The following EDAR variants were observed in gnomAD, a reference collection of about 807,000 sequenced individuals.
The protein encoded by EDAR is tumor necrosis factor receptor superfamily member EDAR.
EDAR carries 38 observed loss-of-function variants against 51.3 expected under a neutral mutation model. The observed-to-expected ratio is 0.74, with a 90% confidence interval of 0.57 to 0.97. The LOEUF (loss-of-function observed/expected upper bound fraction) is 0.97. Ranked by LOEUF, EDAR falls within the 50% of genes least tolerant of loss-of-function variation. The pLI is 0.00. For synonymous variants in EDAR, 227 were observed against 242.1 expected (o/e 0.94, Z 0.58); for missense variants, 528 against 595.0 (o/e 0.89, Z 1.17).
At chr2:108,980,793 C>T (rs757052215) in intron 1 of EDAR, among the ~76,000 whole-genome samples, 26 of 152,118 alleles carry the variant, frequency 1.7e-4, no homozygotes, top group East Asian at 1.2e-3. Flanking sequence ...AGTGGGGTCA[C>T]GGTGTCACTG....
chr2:108,949,604 G>C (rs1172062254), intron 1 of EDAR, among the ~76,000 whole-genome samples: 1 of 152,060 alleles, frequency 6.6e-6, no homozygotes, highest in East Asian at 1.9e-4. Flanking sequence ...TCCTAAAAAT[G>C]TGATGAGATT....
chr2:108,949,876 A>G (rs1697790000), intron 1 of EDAR, among the ~76,000 whole-genome samples: 2 of 152,266 alleles, frequency 1.3e-5, no homozygotes, highest in South Asian at 4.1e-4. Context: ...CCTCCGAGTA[A>G]TATGTCCCTT....
chr2:108,898,216 GC>G (rs1408989665), intron 11 of EDAR, among the ~76,000 whole-genome samples: 2 of 152,136 alleles, frequency 1.3e-5, no homozygotes, highest in Non-Finnish European at 2.9e-5. Flanking sequence ...CCCTCACCAG[GC>G]TGTAACACTG....
intron 11 of EDAR, among the ~76,000 whole-genome samples, chr2:108,899,755 G>A (rs940854809): frequency 2.0e-5 from 3 of 152,166 alleles, no homozygotes; most frequent in African/African-American, 7.2e-5. Context: ...GGAGGCCAAG[G>A]TGGGCAGATC....
chr2:108,901,225 G>T (rs1696692529), intron 11 of EDAR, among the ~76,000 whole-genome samples: 1 of 152,076 alleles, frequency 6.6e-6, no homozygotes, highest in Non-Finnish European at 1.5e-5. Context: ...CCAGACAACA[G>T]TCTTCTAAAT....
chr2:108,961,605 G>A (rs1478190078), intron 1 of EDAR, among the ~76,000 whole-genome samples: 4 of 152,190 alleles, frequency 2.6e-5, no homozygotes, highest in African/African-American at 9.7e-5. Flanking sequence ...CATTAAAAAA[G>A]CACTCACTGG....
chr2:108,900,179 AAC>A (rs1386131261), intron 11 of EDAR, among the ~76,000 whole-genome samples: 1 of 152,222 alleles, frequency 6.6e-6, no homozygotes, highest in Non-Finnish European at 1.5e-5. Context: ...AGAAATGAAA[AAC>A]AGAGACAACA....
chr2:108,909,859 C>T (rs1391644644), intron 9 of EDAR, among the ~76,000 whole-genome samples: 4 of 152,246 alleles, frequency 2.6e-5, no homozygotes, highest in African/African-American at 9.6e-5. Flanking sequence ...TCCTTGGGAG[C>T]CTGGACTCGG....
At chr2:108,987,550 T>G (rs1008490516) in intron 1 of EDAR, among the ~76,000 whole-genome samples, 10 of 152,230 alleles carry the variant, frequency 6.6e-5, no homozygotes, top group Non-Finnish European at 1.3e-4. Flanking sequence ...AGAAACCAGG[T>G]AGTGGCCAGG....
In EDAR at chr2:108,929,348, T is replaced by G. The variant is rs1396307770; in HGVS notation, c.206A>C (p.Tyr69Ser). The change falls in exon 4 of 12, where the codon TAC (tyrosine) becomes TCC (serine). Residue 69 changes from tyrosine (Y) to serine (S), a missense_variant. Transcript: ENST00000258443. ...CTCCGCCGGGCAGGGGACGCAGCCG[T>G]AGTCCTCGTCTTTGGTGCCGTAGCC... ...SCGYGTKDED[Y>S]GCVPCPAEKF... 6.2e-7 allele frequency: 1 copy of G among 1,614,132 alleles called. No individual in the cohort carries two copies. The highest frequency in any genetic ancestry group is 8.5e-7 in the Non-Finnish European group (1 of 1,180,032).
Position 108,895,476 on chromosome 2 carries a change from T to TTTA in EDAR, c.*1428_*1430dup, listed in dbSNP as rs2105369270. ...AATAATATGCCAAGAACAATGCCAG[T>TTTA]TTATTAACTTTCTGCCTATAAATGT... is the stretch of plus-strand genomic sequence containing the variant. On this transcript the variant is annotated 3_prime_UTR_variant, in exon 12 of 12. Coordinates refer to ENST00000258443, the MANE Select transcript of EDAR (RefSeq NM_022336.4). 2 of 152,382 alleles carry TTTA rather than the reference T, an allele frequency of 1.3e-5. No homozygotes were observed. Among genetic ancestry groups the TTTA allele is most frequent in the East Asian group, 3.9e-4 (2 of 5,186 alleles). The allele number at this position is 152,382 out of a possible 1,614,324, so 9.4% of individuals were successfully genotyped here. A position where few individuals can be genotyped will look rare whatever the true frequency, so the allele number is the denominator to read the frequency against.
chr2:108,976,917 AGTCCTG>A (rs1698332912), intron 1 of EDAR, among the ~76,000 whole-genome samples: 1 of 152,040 alleles, frequency 6.6e-6, no homozygotes, highest in African/African-American at 2.4e-5. Flanking sequence ...TTCTCCAAGG[AGTCCTG>A]GTTCCTTTCA....
At chr2:108,978,173 G>A (rs1391110089) in intron 1 of EDAR, among the ~76,000 whole-genome samples, 4 of 152,246 alleles carry the variant, frequency 2.6e-5, no homozygotes, top group African/African-American at 9.6e-5. Flanking sequence ...AGGGCCTGCT[G>A]AGCTACGGCC....
intron 11 of EDAR, among the ~76,000 whole-genome samples, chr2:108,900,307 G>A: frequency 6.6e-6 from 1 of 152,208 alleles, no homozygotes. Context: ...TGTAATCCCA[G>A]CACTTTGGGA....
At position 108,975,781 on chromosome 2, in the gene EDAR, C is replaced by T. The variant is rs566203068; in HGVS notation, c.-19+13179G>A. ...AAGGGTGGCACTGTCGGCCAGGCTC[C>T]GTGCGGCATCAGGATGTCTTGTGGT... is the stretch of plus-strand genomic sequence containing the variant. On this transcript the variant is annotated intron_variant, in intron 1 of 11. Coordinates refer to ENST00000258443, the MANE Select transcript of EDAR (RefSeq NM_022336.4). Among the ~76,000 whole-genome samples, 84 of 152,244 alleles carry T rather than the reference C, an allele frequency of 5.5e-4. 1 individual carries two copies. The South Asian group carries it at 0.017, about 32-fold the overall frequency.
In EDAR at chr2:108,896,826, G is replaced by T; in HGVS notation, c.*81C>A. The T allele has an allele frequency of 7.1e-7, 1 of 1,404,246 alleles. No individual in the cohort carries two copies. The highest frequency in any genetic ancestry group is 1.4e-5 in the African/African-American group (1 of 70,418). The allele number at this position is 1,404,246 out of a possible 1,614,324, so 87.0% of individuals were successfully genotyped here. On this transcript the variant is annotated 3_prime_UTR_variant, in exon 12 of 12. Transcript: ENST00000258443. The stretch of plus-strand genomic sequence containing the variant: ...ATCACAAAAGCCTTGATTCTTGGCA[G>T]TCTTTTGGCACCACTCACAGCTCCA...
intron 4 of EDAR, among the ~76,000 whole-genome samples, chr2:108,925,895 C>T (rs1252649922): frequency 1.3e-5 from 2 of 152,158 alleles, no homozygotes; most frequent in African/African-American, 2.4e-5. Flanking sequence ...GGATTACAGG[C>T]GTGAACCACC....
intron 1 of EDAR, among the ~76,000 whole-genome samples, chr2:108,933,030 G>A (rs780021159): frequency 2.6e-5 from 4 of 152,184 alleles, no homozygotes; most frequent in Admixed American, 1.3e-4. Context: ...AAGATGGTAC[G>A]CTTGTTTATC....
chr2:108,978,485 T>C (rs1032873691), intron 1 of EDAR, among the ~76,000 whole-genome samples: 32 of 152,330 alleles, frequency 2.1e-4, no homozygotes, highest in African/African-American at 7.2e-4. Flanking sequence ...GCAACGTATT[T>C]CTAGAGGGTA....
Sources: gnomAD v4.1 joint callset for allele counts (sites outside exome capture counted in the v4.1 genomes callset) on GRCh38, gnomAD v4.1.1 for gene constraint, MANE v1.5 for transcripts, NCBI Gene and HGNC (gene_info 2026-07-23, HGNC 2026-07-21) for gene names.